The following PPP2R2B variants were observed in gnomAD, a reference collection of about 807,000 sequenced individuals.
PPP2R2B encodes protein phosphatase 2 regulatory subunit Bbeta, also known as serine/threonine-protein phosphatase 2A 55 kDa regulatory subunit B beta isoform.
PPP2R2B carries 5 observed loss-of-function variants against 46.0 expected under a neutral mutation model. That is an observed-to-expected ratio of 0.11 (90% CI 0.06 to 0.23). PPP2R2B has a LOEUF of 0.23. PPP2R2B is among the 10% of genes least tolerant of loss of function. PPP2R2B has a pLI of 1.00. For synonymous variants in PPP2R2B, 215 were observed against 206.7 expected, an observed-to-expected ratio of 1.04 and a Z score of -0.34; for missense variants, 367 against 575.0, an observed-to-expected ratio of 0.64 and a Z score of 3.70.
intron 1 of PPP2R2B, among the ~76,000 whole-genome samples, chr5:147,018,298 T>C (rs1018079068): frequency 6.6e-6 from 1 of 152,130 alleles, no homozygotes; most frequent in Admixed American, 6.6e-5. Context: ...CAACTTTCTA[T>C]CATCCAGTCA....
Position 146,667,326 on chromosome 5 carries a change from GCGCGCGCACACACACACA to G in PPP2R2B, c.448-16620_448-16603del, listed in dbSNP as rs1561816184. ...AAGGAGAGACAGCAGGAATAGGCGT[GCGCGCGCACACACACACA>G]CACACACACACACACACACACACAC... On this transcript the variant is annotated intron_variant, in intron 5 of 9. Transcript: ENST00000394411. 4.0e-3 allele frequency among the ~76,000 whole-genome samples: 204 copies of G among 50,702 alleles called. 1 individual carries two copies. The highest frequency in any genetic ancestry group is 7.3e-3 in the African/African-American group (142 of 19,424). 33.3% of individuals were successfully genotyped at this position (50,702 alleles called of 152,430 possible). A position where few individuals can be genotyped will look rare whatever the true frequency, so the allele number is the denominator to read the frequency against.
chr5:146,789,552 C>T (rs779515967), intron 2 of PPP2R2B, among the ~76,000 whole-genome samples: 1 of 152,042 alleles, frequency 6.6e-6, no homozygotes, highest in Non-Finnish European at 1.5e-5. Context: ...TGTTGATTTA[C>T]GCAAAGACAT....
At chr5:147,050,314 T>A (rs1197766033) in intron 1 of PPP2R2B, among the ~76,000 whole-genome samples, 1 of 152,118 alleles carries the variant, frequency 6.6e-6, no homozygotes, top group Non-Finnish European at 1.5e-5. Context: ...AATGTAGGTG[T>A]GCATTTATAA....
chr5:147,055,393 T>C (rs1226134760), intron 1 of PPP2R2B, among the ~76,000 whole-genome samples: 1 of 152,224 alleles, frequency 6.6e-6, no homozygotes, highest in African/African-American at 2.4e-5. Flanking sequence ...ACAAGGAAAA[T>C]TGGCAAAATA....
intron 1 of PPP2R2B, among the ~76,000 whole-genome samples, chr5:147,036,407 G>A (rs1756037452): frequency 6.6e-6 from 1 of 152,084 alleles, no homozygotes; most frequent in Admixed American, 6.6e-5. Context: ...TCTTTATCCA[G>A]TCTATCATCG....
At chr5:146,803,927 G>A (rs1757015926) in intron 2 of PPP2R2B, among the ~76,000 whole-genome samples, 1 of 152,116 alleles carries the variant, frequency 6.6e-6, no homozygotes, top group Non-Finnish European at 1.5e-5. Context: ...CAGCACTTTG[G>A]GAGGCCGAGG....
chr5:146,591,441 T>C (rs973857950), intron 9 of PPP2R2B, among the ~76,000 whole-genome samples: 3 of 152,158 alleles, frequency 2.0e-5, no homozygotes, highest in Admixed American at 6.5e-5. Context: ...CGCTGAGGGC[T>C]TTGCCTCCAT....
intron 7 of PPP2R2B, among the ~76,000 whole-genome samples, chr5:146,635,594 T>C (rs1774762843): frequency 6.6e-6 from 1 of 152,180 alleles, no homozygotes; most frequent in Non-Finnish European, 1.5e-5. Context: ...ATCCCTGGCC[T>C]CCACCCTGGG....
chr5:146,868,812 A>G (rs1419005803), intron 2 of PPP2R2B, among the ~76,000 whole-genome samples: 1 of 152,200 alleles, frequency 6.6e-6, no homozygotes, highest in Non-Finnish European at 1.5e-5. Flanking sequence ...GTGTTCATAT[A>G]CTACATTGTG....
At chr5:147,030,557 T>G (rs2151891156) in intron 1 of PPP2R2B, among the ~76,000 whole-genome samples, 1 of 152,322 alleles carries the variant, frequency 6.6e-6, no homozygotes, top group East Asian at 1.9e-4. Flanking sequence ...ATAGGTTTAT[T>G]TGTTTTATTT....
chr5:146,801,863 C>A (rs1473127513), intron 2 of PPP2R2B, among the ~76,000 whole-genome samples: 1 of 152,188 alleles, frequency 6.6e-6, no homozygotes, highest in Non-Finnish European at 1.5e-5. Context: ...ATAACAACTT[C>A]TCCAGAGCTA....
chr5:146,805,738 C>G (rs1757137413), intron 2 of PPP2R2B, among the ~76,000 whole-genome samples: 1 of 152,106 alleles, frequency 6.6e-6, no homozygotes, highest in African/African-American at 2.4e-5. Context: ...GCTAACCAGG[C>G]ATCCCAACAA....
intron 1 of PPP2R2B, among the ~76,000 whole-genome samples, chr5:146,980,654 T>C (rs559054590): frequency 6.6e-6 from 1 of 151,890 alleles, no homozygotes; most frequent in Non-Finnish European, 1.5e-5. Flanking sequence ...TTAATCTCTC[T>C]TGTTTTTTTA....
intron 1 of PPP2R2B, among the ~76,000 whole-genome samples, chr5:146,951,898 A>G (rs936379023): frequency 2.0e-5 from 3 of 151,822 alleles, no homozygotes; most frequent in Admixed American, 6.6e-5. Context: ...GCTGGGTCAA[A>G]TGGTGTTTCT....
At chr5:146,925,533 G>A (rs1763754018) in intron 1 of PPP2R2B, among the ~76,000 whole-genome samples, 1 of 152,112 alleles carries the variant, frequency 6.6e-6, no homozygotes, top group African/African-American at 2.4e-5. Context: ...CCTTTCTATG[G>A]TGCGTGCTAT....
At chr5:146,748,314 A>G (rs1026692015) in intron 2 of PPP2R2B, among the ~76,000 whole-genome samples, 1 of 152,184 alleles carries the variant, frequency 6.6e-6, no homozygotes, top group Non-Finnish European at 1.5e-5. Flanking sequence ...TGTAAGAAAT[A>G]ATAGAGAGTT....
chr5:146,918,602 A>G (rs1763479795), intron 1 of PPP2R2B, among the ~76,000 whole-genome samples: 1 of 152,184 alleles, frequency 6.6e-6, no homozygotes. Flanking sequence ...CTGAGATTCC[A>G]CAAACTTTTG....
chr5:147,078,307 C>T (rs1156700), intron 2 of PPP2R2B, among the ~76,000 whole-genome samples: 99,848 of 152,050 alleles, frequency 0.66, 33,221 homozygotes, highest in Middle Eastern at 0.75. Context: ...AAATAATAAA[C>T]CTGCAACTGG....
At chr5:146,749,999 C>T (rs1055792501) in intron 2 of PPP2R2B, among the ~76,000 whole-genome samples, 1 of 152,108 alleles carries the variant, frequency 6.6e-6, no homozygotes, top group East Asian at 1.9e-4. Context: ...AATTTTGTGC[C>T]TATGGGAGTT....
Sources: gnomAD v4.1 joint callset for allele counts (sites outside exome capture counted in the v4.1 genomes callset) on GRCh38, gnomAD v4.1.1 for gene constraint, MANE v1.5 for transcripts, NCBI Gene and HGNC (gene_info 2026-07-23, HGNC 2026-07-21) for gene names.